LPP: variants seen among roughly 807,000 people sequenced by gnomAD.
The protein encoded by LPP is lipoma-preferred partner.
Under a neutral mutation model 60.4 loss-of-function variants are expected in LPP, and 38 were observed. The observed-to-expected ratio is 0.63, with a 90% confidence interval of 0.49 to 0.83. The LOEUF (loss-of-function observed/expected upper bound fraction) is 0.83, where lower values mean the gene tolerates loss of function less well. LPP is among the 40% of genes least tolerant of loss of function. The pLI, the probability that LPP is intolerant of heterozygous loss-of-function variation, is 0.00. For missense variants in LPP, 902 were observed against 783.6 expected (o/e 1.15, Z -1.80); for synonymous variants, 328 against 290.8 (o/e 1.13, Z -1.30).
intron 1 of LPP, chr3:188,180,777 C>G (rs2148897820): frequency 7.9e-6 from 1 of 126,456 alleles, no homozygotes; most frequent in South Asian, 4.0e-4. Context: ...CAATACAGCA[C>G]AAGCAGCTTC....
intron 2 of LPP, among the ~76,000 whole-genome samples, chr3:188,228,139 G>A (rs564947481): frequency 3.3e-5 from 5 of 152,340 alleles, no homozygotes; most frequent in East Asian, 3.9e-4. Context: ...CTGTCTACAC[G>A]AGGATGCTGA....
intron 6 of LPP, among the ~76,000 whole-genome samples, chr3:188,600,659 T>C (rs2151208383): frequency 6.6e-6 from 1 of 152,282 alleles, no homozygotes; most frequent in Middle Eastern, 3.4e-3. Flanking sequence ...GAACTGTATC[T>C]ATTCAAACTG....
chr3:188,604,818 T>A (rs1237658111), intron 6 of LPP, among the ~76,000 whole-genome samples: 1 of 152,132 alleles, frequency 6.6e-6, no homozygotes, highest in Non-Finnish European at 1.5e-5. Context: ...GAAGCAGACA[T>A]ATGCACATGT....
At chr3:188,559,305 G>T (rs1248880358) in intron 6 of LPP, among the ~76,000 whole-genome samples, 3 of 151,998 alleles carry the variant, frequency 2.0e-5, no homozygotes, top group African/African-American at 4.8e-5. Context: ...GCATAAGGCT[G>T]CTCAATGATG....
chr3:188,435,158 T>G (rs189560579), intron 4 of LPP, among the ~76,000 whole-genome samples: 131 of 152,292 alleles, frequency 8.6e-4, no homozygotes, highest in African/African-American at 3.0e-3. Flanking sequence ...CACTAGTATA[T>G]AAGGAGGAAG....
At chr3:188,669,979 C>G (rs908772106) in intron 7 of LPP, among the ~76,000 whole-genome samples, 19 of 152,184 alleles carry the variant, frequency 1.2e-4, no homozygotes, top group African/African-American at 4.6e-4. Flanking sequence ...TGGAAACCAT[C>G]ATTCTGAGCA....
At chr3:188,698,635 A>G (rs1402847532) in intron 7 of LPP, among the ~76,000 whole-genome samples, 1 of 152,080 alleles carries the variant, frequency 6.6e-6, no homozygotes, top group Admixed American at 6.6e-5. Flanking sequence ...CTGCTCTGCG[A>G]CTCGCTTTTC....
chr3:188,760,340 C>A, intron 9 of LPP, 58 bp downstream of exon 9: 1 of 1,557,154 alleles, frequency 6.4e-7, no homozygotes, highest in Non-Finnish European at 8.8e-7. Flanking sequence ...TGGCTGAATG[C>A]CAGTCACTCT....
chr3:188,828,966 A>T (rs191249162), intron 9 of LPP, among the ~76,000 whole-genome samples: 2 of 152,096 alleles, frequency 1.3e-5, no homozygotes, highest in African/African-American at 4.8e-5. Flanking sequence ...TGCTTCTCAA[A>T]ATATCTATAG....
intron 8 of LPP, among the ~76,000 whole-genome samples, chr3:188,731,837 T>G (rs1045115494): frequency 6.6e-6 from 1 of 152,148 alleles, no homozygotes; most frequent in Non-Finnish European, 1.5e-5. Context: ...AATCTTTTAT[T>G]TAATGCATCT....
chr3:188,586,142 A>G (rs1837385186), intron 6 of LPP, among the ~76,000 whole-genome samples: 1 of 152,188 alleles, frequency 6.6e-6, no homozygotes, highest in African/African-American at 2.4e-5. Flanking sequence ...GGAAAAAAAT[A>G]TTCTTTTGTT....
chr3:188,766,378 C>CAAAAAAAAAAAAAAAAAAAA lies in LPP; in HGVS notation c.1410+6106_1410+6107insAAAAAAAAAAAAAAAAAAAA, dbSNP rs142374028. 2.2e-3 allele frequency among the ~76,000 whole-genome samples: 278 copies of CAAAAAAAAAAAAAAAAAAAA among 124,432 alleles called. 6 individuals carry two copies. The highest frequency in any genetic ancestry group is 4.4e-3 in the South Asian group (12 of 2,722). The allele number at this position is 124,432 out of a possible 152,430, so 81.6% of individuals were successfully genotyped here. On this transcript the variant is annotated intron_variant, in intron 9 of 11. Transcript: ENST00000617246. ...CTTGAGCATTTGAGGCCTTAAAAAG[C>CAAAAAAAAAAAAAAAAAAAA]AAAAAAAAAAGGTTAAAAATATTTA... is the stretch of plus-strand genomic sequence containing the variant.
In LPP at chr3:188,874,649, T is replaced by G; in HGVS notation, c.*170T>G. 1 of 713,488 alleles carries G rather than the reference T, an allele frequency of 1.4e-6. No individual in the cohort carries two copies. The highest frequency in any genetic ancestry group is 2.2e-6 in the Non-Finnish European group (1 of 454,636). The allele number at this position is 713,488 out of a possible 1,614,324, so 44.2% of individuals were successfully genotyped here. On this transcript the variant is annotated 3_prime_UTR_variant, in exon 12 of 12. Transcript: ENST00000617246. ...ATTTTTTTTAAAAGTTGTTACCAAATACACATTTCACATTGAATCATGTAG... is the reference window on the plus strand; with the variant it reads ...ATTTTTTTTAAAAGTTGTTACCAAAGACACATTTCACATTGAATCATGTAG...
chr3:188,190,689 G>A (rs1727919934), intron 1 of LPP, among the ~76,000 whole-genome samples: 1 of 152,180 alleles, frequency 6.6e-6, no homozygotes, highest in South Asian at 2.1e-4. Flanking sequence ...AGAGTTGCAT[G>A]TTGTGTTTTT....
intron 4 of LPP, among the ~76,000 whole-genome samples, chr3:188,436,165 A>T (rs1157542945): frequency 6.6e-6 from 1 of 151,968 alleles, no homozygotes; most frequent in African/African-American, 2.4e-5. Flanking sequence ...TACTAAAATG[A>T]AATATCTAGA....
At chr3:188,356,175 G>T (rs774149248) in intron 3 of LPP, among the ~76,000 whole-genome samples, 3 of 152,074 alleles carry the variant, frequency 2.0e-5, no homozygotes, top group Non-Finnish European at 4.4e-5. Flanking sequence ...ACACATTTTT[G>T]AATTTTTCTC....
chr3:188,638,299 T>C (rs1369353624), intron 7 of LPP, among the ~76,000 whole-genome samples: 305 of 129,748 alleles, frequency 2.4e-3, no homozygotes, highest in South Asian at 5.4e-3. Context: ...AAAAGGCCTT[T>C]GACAAAATTC....
At chr3:188,496,254 T>C (rs2149811209) in intron 5 of LPP, among the ~76,000 whole-genome samples, 1 of 152,092 alleles carries the variant, frequency 6.6e-6, no homozygotes, top group African/African-American at 2.4e-5. Flanking sequence ...GCCTCCTGAG[T>C]AGCTGGGATT....
chr3:188,179,825 C>T (rs767616932), intron 1 of LPP: 6 of 294,556 alleles, frequency 2.0e-5, no homozygotes, highest in South Asian at 9.0e-5. Context: ...CCTCATCCTG[C>T]CTTGGGTCCA....
Sources: allele counts gnomAD v4.1 joint callset (sites outside exome capture counted in the v4.1 genomes callset), GRCh38; gene constraint gnomAD v4.1.1; transcripts MANE v1.5; gene names NCBI Gene and HGNC (gene_info 2026-07-23, HGNC 2026-07-21).